Variants in COL12A1 observed in about 807,000 individuals in gnomAD.
COL12A1 encodes the protein collagen alpha-1(XII) chain.
Under a neutral mutation model 349.7 loss-of-function variants are expected in COL12A1, and 114 were observed. The observed-to-expected ratio is 0.33, with a 90% CI of 0.28 to 0.38. The LOEUF (loss-of-function observed/expected upper bound fraction) is 0.38. Ranked by LOEUF, COL12A1 falls within the 10% of genes least tolerant of loss-of-function variation. The probability of loss-of-function intolerance (pLI) is 1.00; values close to 1 mark genes in which losing one functional copy is unlikely to be tolerated. For missense variants in COL12A1, 3,284 were observed against 3,756.9 expected, an observed-to-expected ratio of 0.87 and a Z score of 3.29; for synonymous variants, 1,369 against 1,329.0, an observed-to-expected ratio of 1.03 and a Z score of -0.66.
chr6:75,183,986 T>C lies in COL12A1; in HGVS notation c.1156A>G (p.Thr386Ala), dbSNP rs1223481581. Residue 386 changes from threonine to alanine, a missense_variant, in exon 9 of 66, where the codon ACA (threonine) becomes GCA (alanine). By Grantham distance (58) the Thr-to-Ala change is moderately conservative. This residue lies in a region of COL12A1 where 2,601 missense variants were observed against 2,824.8 expected (regional missense o/e 0.92). Transcript: ENST00000322507. ...RQHALSVGPQTTTLSVRDLSA... is the reference protein window; with the variant it reads ...RQHALSVGPQATTLSVRDLSA... The stretch of plus-strand genomic sequence containing the variant: ...AGGTCGCGAACACTGAGCGTGGTTG[T>C]CTGAGGCCCCACACTCAGAGCGTGC... The C allele has an allele frequency of 6.2e-7, 1 of 1,614,068 alleles. No homozygotes were observed. Among genetic ancestry groups the C allele is most frequent in the African/African-American group, 1.3e-5 (1 of 74,916 alleles).
chr6:75,113,561 C>A, intron 50 of COL12A1, 41 bp downstream of exon 50: 2 of 1,550,134 alleles, frequency 1.3e-6, no homozygotes, highest in South Asian at 2.6e-5. Flanking sequence ...AAAACATAAT[C>A]AAAACTAAGT....
chr6:75,181,106 T>C lies in COL12A1; in HGVS notation c.1997A>G (p.Tyr666Cys), dbSNP rs760872362. The change falls in exon 11 of 66, where the codon TAC becomes TGC. Residue 666 changes from tyrosine (Y) to cysteine (C), a missense_variant. Physicochemically the swap from Tyr to Cys is radical, Grantham distance 194. Transcript: ENST00000322507. ...CTCATCATCCCCAGCCGCTTCCTTGTAGGTGATGTGATATGAAAAAACATT... is the reference window on the plus strand; with the variant it reads ...CTCATCATCCCCAGCCGCTTCCTTGCAGGTGATGTGATATGAAAAAACATT... Reference protein sequence around the residue: ...GENVFSYHITYKEAAGDDEVT... With the variant: ...GENVFSYHITCKEAAGDDEVT... 5.0e-6 allele frequency: 8 copies of C among 1,613,744 alleles called. No homozygotes were observed. The East Asian group carries it at 1.3e-4, about 27-fold the overall frequency.
intron 34 of COL12A1, 76 bp downstream of exon 34, chr6:75,133,217 T>C: frequency 7.7e-7 from 1 of 1,305,206 alleles, no homozygotes. Context: ...TAATTCTCTT[T>C]AATGGGCCTT....
intron 42 of COL12A1, 103 bp downstream of exon 42, chr6:75,123,845 C>A (rs1765871258): frequency 1.6e-5 from 19 of 1,196,754 alleles, no homozygotes; most frequent in Non-Finnish European, 2.0e-5. Context: ...TTATTGCTAC[C>A]CCTACGGAGA....
intron 7 of COL12A1, among the ~76,000 whole-genome samples, chr6:75,188,946 A>C (rs1246249455): frequency 6.6e-6 from 1 of 152,114 alleles, no homozygotes; most frequent in Non-Finnish European, 1.5e-5. Context: ...CTTTATTAGA[A>C]TCATTGGCCC....
Position 75,154,431 on chromosome 6 carries a change from G to T in COL12A1, c.3550C>A (p.Pro1184Thr), listed in dbSNP as rs1057524309. 1.2e-6 allele frequency: 2 copies of T among 1,610,952 alleles called. No individual in the cohort carries two copies. Among genetic ancestry groups the T allele is most frequent in the Non-Finnish European group, 1.7e-6 (2 of 1,178,310 alleles). ...AATTTCTTACCAGAAGATAAAATTG[G>T]CATAACAGTTGTGTCGGAAAGGGTT... The part of the protein sequence containing the change: ...MTTLSDTTVM[P>T]ILSSGMECLT... Residue 1184 changes from proline (P) to threonine (T), a missense_variant, in exon 17 of 66, where the codon CCA (proline) becomes ACA (threonine). Around this residue, in one of 2 missense-constraint regions of COL12A1, gnomAD observed 2,601 missense variants for 2,824.8 expected, o/e 0.92. Transcript: ENST00000322507.
chr6:75,140,466 C>T (rs1040688800), intron 27 of COL12A1, among the ~76,000 whole-genome samples: 8 of 152,002 alleles, frequency 5.3e-5, no homozygotes, highest in African/African-American at 1.9e-4. Context: ...ACCATCCTGG[C>T]TAACACGGTG....
chr6:75,190,845 C>A (rs1282584094), intron 5 of COL12A1, among the ~76,000 whole-genome samples: 2 of 151,762 alleles, frequency 1.3e-5, no homozygotes, highest in East Asian at 3.9e-4. Context: ...ATTAAAAAGT[C>A]AATACTTGGC....
chr6:75,125,017 C>T (rs1765942938), intron 40 of COL12A1, 110 bp downstream of exon 40: 2 of 1,023,720 alleles, frequency 2.0e-6, no homozygotes, highest in Non-Finnish European at 2.7e-6. Context: ...AGCCTGCCTA[C>T]ATAATGCTGA....
chr6:75,129,091 T>C (rs1280995113), intron 37 of COL12A1, among the ~76,000 whole-genome samples: 1 of 152,244 alleles, frequency 6.6e-6, no homozygotes, highest in African/African-American at 2.4e-5. Context: ...TGATAAATTG[T>C]ATTTTTAATG....
chr6:75,165,557 G>C lies in COL12A1; in HGVS notation c.2933C>G (p.Thr978Ser), dbSNP rs944768236. 5 of 1,613,866 alleles carry C rather than the reference G, an allele frequency of 3.1e-6. No homozygotes were observed. The highest frequency in any genetic ancestry group is 3.4e-6 in the Non-Finnish European group (4 of 1,179,904). ...ETKYRISVFA[T>S]YSSGEGEPLT... Reference sequence around the variant, plus strand: ...AGGTTCTCCTTCTCCACTGCTGTAAGTGGCAAATACTGAAATTCTGTATTT... The same window carrying C: ...AGGTTCTCCTTCTCCACTGCTGTAACTGGCAAATACTGAAATTCTGTATTT... The change falls in exon 14 of 66, where the codon ACT (threonine) becomes AGT (serine). Residue 978 changes from threonine to serine, a missense_variant. Physicochemically the swap from Thr to Ser is moderately conservative, Grantham distance 58. Around this residue, in one of 2 missense-constraint regions of COL12A1, gnomAD observed 2,601 missense variants for 2,824.8 expected, o/e 0.92. Coordinates refer to ENST00000322507, the MANE Select transcript of COL12A1 (RefSeq NM_004370.6).
chr6:75,185,303 GCCAGCATTCCTATA>G (rs569033207), intron 8 of COL12A1, among the ~76,000 whole-genome samples: 33 of 152,238 alleles, frequency 2.2e-4, no homozygotes, highest in African/African-American at 6.7e-4. Flanking sequence ...TGCAAAAATT[GCCAGCATTCCTATA>G]CACAACAACA....
At chr6:75,093,901 C>T (rs1378841750) in intron 60 of COL12A1, among the ~76,000 whole-genome samples, 7 of 152,116 alleles carry the variant, frequency 4.6e-5, no homozygotes, top group African/African-American at 1.4e-4. Context: ...ATATAAGACA[C>T]TACTGAGGTC....
chr6:75,172,650 C>T (rs1218023323), intron 13 of COL12A1, among the ~76,000 whole-genome samples: 2 of 152,064 alleles, frequency 1.3e-5, no homozygotes, highest in East Asian at 1.9e-4. Context: ...TGGATGTTGC[C>T]CCAGATTGTA....
At chr6:75,140,939 T>C (rs1340953882) in intron 27 of COL12A1, among the ~76,000 whole-genome samples, 1 of 152,194 alleles carries the variant, frequency 6.6e-6, no homozygotes, top group Non-Finnish European at 1.5e-5. Context: ...TGAATTGAGA[T>C]GTGCTCTAAG....
intron 13 of COL12A1, among the ~76,000 whole-genome samples, chr6:75,174,582 A>C (rs1562275880): frequency 6.6e-6 from 1 of 152,116 alleles, no homozygotes; most frequent in Non-Finnish European, 1.5e-5. Context: ...TTGGATTCTT[A>C]TATTTCTTGA....
chr6:75,186,631 G>T (rs1019860465), intron 8 of COL12A1, among the ~76,000 whole-genome samples: 3 of 152,092 alleles, frequency 2.0e-5, no homozygotes, highest in Admixed American at 6.6e-5. Context: ...TATACCCAAG[G>T]AATATAAATC....
chr6:75,194,968 A>G (rs760119760), intron 2 of COL12A1, 21 bp from the exon 3 acceptor site: 4 of 1,371,880 alleles, frequency 2.9e-6, no homozygotes, highest in Admixed American at 1.9e-5. Flanking sequence ...GAGAGTTTAT[A>G]TTATTAAACT....
chr6:75,126,352 C>A lies in COL12A1; in HGVS notation c.6459G>T (p.Val2153=). Residue 2153 remains valine (V), a splice_region_variant and synonymous_variant, in exon 39 of 66, where the codon GTG becomes GTT. Transcript: ENST00000322507. The part of the protein sequence containing the change: ...VLGYKIVYKP[V]GSNEPMEAFV... ...ATGATGACAAAGGCACTTCCTTACC[C>A]ACTGGCTTATATACTATTTTATATC... The A allele has an allele frequency of 6.2e-7, 1 of 1,608,094 alleles. No individual in the cohort carries two copies. The highest frequency in any genetic ancestry group is 8.5e-7 in the Non-Finnish European group (1 of 1,175,762).
Sources: allele counts gnomAD v4.1 joint callset (sites outside exome capture counted in the v4.1 genomes callset), GRCh38; gene constraint gnomAD v4.1.1; regional missense constraint gnomAD v4.1.1; transcripts MANE v1.5; gene names NCBI Gene and HGNC (gene_info 2026-07-23, HGNC 2026-07-21).